NLRP1: variants seen among roughly 807,000 people sequenced by gnomAD.
NLRP1 encodes the protein NACHT, LRR and PYD domains-containing protein 1.
A neutral mutation model predicts 136.7 loss-of-function variants in NLRP1; 94 were observed. The observed-to-expected ratio is 0.69, with a 90% CI of 0.58 to 0.82. The LOEUF is 0.82. Ranked by LOEUF, NLRP1 falls within the 40% of genes least tolerant of loss-of-function variation. The pLI is 0.00. For synonymous variants in NLRP1, 690 were observed against 725.1 expected, an observed-to-expected ratio of 0.95 and a Z score of 0.78; for missense variants, 1,575 against 1,802.7, an observed-to-expected ratio of 0.87 and a Z score of 2.29.
At chr17:5,573,614 G>A (rs1364484014) in intron 3 of NLRP1, among the ~76,000 whole-genome samples, 1 of 152,186 alleles carries the variant, frequency 6.6e-6, no homozygotes, top group Non-Finnish European at 1.5e-5. Flanking sequence ...TCTCTGAGAC[G>A]AAGCTTCCAG....
rs1914532004 is a variant in NLRP1 at position 5,559,895 on chromosome 17, C to T, written c.801G>A (p.Trp267Ter). 6.2e-7 allele frequency: 1 copy of T among 1,614,072 alleles called. No homozygotes were observed. Among genetic ancestry groups the T allele is most frequent in the South Asian group, 1.1e-5 (1 of 91,096 alleles). ...PSVRESLCST[W>*]PWKNEDFNQK... Reference sequence around the variant, plus strand: ...GGTTAAAATCCTCATTTTTCCAGGGCCATGTGGAACAGAGGCTCTCTCTCA... The same window carrying T: ...GGTTAAAATCCTCATTTTTCCAGGGTCATGTGGAACAGAGGCTCTCTCTCA... Residue 267 changes from tryptophan (W) to a stop codon, truncating the protein, a stop_gained, in exon 4 of 17, where the codon TGG (tryptophan) becomes TGA (stop). Coordinates refer to ENST00000572272, the MANE Select transcript of NLRP1 (RefSeq NM_033004.4). LOFTEE classifies it high-confidence loss of function.
chr17:5,580,563 G>A (rs145353299), intron 3 of NLRP1, among the ~76,000 whole-genome samples: 20 of 151,818 alleles, frequency 1.3e-4, no homozygotes, highest in African/African-American at 4.8e-4. Flanking sequence ...TTCCCCTTTT[G>A]CCAGTGTTGC....
In NLRP1 at chr17:5,537,215, T is replaced by G. The variant is rs1401019149; in HGVS notation, c.2871-275A>C. Among the ~76,000 whole-genome samples, 1 of 152,194 alleles carries G rather than the reference T, an allele frequency of 6.6e-6. No individual in the cohort carries two copies. Among genetic ancestry groups the G allele is most frequent in the African/African-American group, 2.4e-5 (1 of 41,446 alleles). ...TCAGCCAACTCTGGGAGATGATCCT[T>G]TAGAGCTGTTTAAAGGAGTTGGGTT... On this transcript the variant is annotated intron_variant, in intron 7 of 16. Transcript: ENST00000572272. This position sits in a 1 kb window ranked among gnomAD's most constrained non-coding sequence, Gnocchi z 4.5.
At chr17:5,552,177 A>C (rs1280374531) in intron 5 of NLRP1, among the ~76,000 whole-genome samples, 1 of 138,582 alleles carries the variant, frequency 7.2e-6, no homozygotes, top group Non-Finnish European at 1.5e-5. Context: ...CATCCAATAC[A>C]TTTTGGCATG....
intron 8 of NLRP1, among the ~76,000 whole-genome samples, chr17:5,536,149 T>G (rs1381047019): frequency 6.6e-6 from 1 of 151,342 alleles, no homozygotes; most frequent in African/African-American, 2.4e-5. Context: ...TTTTTCTTGT[T>G]CTTTTTTTTT....
intron 3 of NLRP1, among the ~76,000 whole-genome samples, chr17:5,576,169 A>G (rs533026135): frequency 6.6e-6 from 1 of 152,368 alleles, no homozygotes; most frequent in African/African-American, 2.4e-5. Context: ...CACAAGAGAA[A>G]GCAGGAAAGA....
chr17:5,551,123 T>C (rs2080562498), intron 5 of NLRP1, among the ~76,000 whole-genome samples: 1 of 152,124 alleles, frequency 6.6e-6, no homozygotes, highest in Non-Finnish European at 1.5e-5. Context: ...TGTAAAATAA[T>C]ATGTATGAAC....
At chr17:5,573,774 A>G (rs1167473527) in intron 3 of NLRP1, among the ~76,000 whole-genome samples, 3 of 152,228 alleles carry the variant, frequency 2.0e-5, no homozygotes, top group African/African-American at 7.2e-5. Context: ...TAGAAGGAAA[A>G]CTAACAAACA....
At chr17:5,564,842 A>G (rs955000051) in intron 3 of NLRP1, among the ~76,000 whole-genome samples, 1 of 145,540 alleles carries the variant, frequency 6.9e-6, no homozygotes, top group Non-Finnish European at 1.5e-5. Context: ...GGTTCACACC[A>G]TTCTGCTGCC....
chr17:5,531,273 T>A (rs1910240991), intron 11 of NLRP1, among the ~76,000 whole-genome samples: 1 of 152,094 alleles, frequency 6.6e-6, no homozygotes, highest in South Asian at 2.1e-4. Flanking sequence ...TGGAGCGCAG[T>A]GGCCCGATCT....
chr17:5,513,139 T>C (rs1437265045), downstream of NLRP1, among the ~76,000 whole-genome samples: 2 of 152,246 alleles, frequency 1.3e-5, no homozygotes, highest in Non-Finnish European at 2.9e-5. Flanking sequence ...CCTTTTTTTC[T>C]TCTGTTCTCA....
At chr17:5,562,011 C>T (rs1027693759) in intron 3 of NLRP1, among the ~76,000 whole-genome samples, 4 of 152,182 alleles carry the variant, frequency 2.6e-5, no homozygotes, top group South Asian at 2.1e-4. Context: ...GAGCTTCCAG[C>T]GCAGTGGTCC....
In NLRP1 at chr17:5,530,484, G is replaced by A. The variant is rs762024829; in HGVS notation, c.3517C>T (p.Gln1173Ter). The A allele has an allele frequency of 1.9e-6, 3 of 1,613,284 alleles. No individual in the cohort carries two copies. The highest frequency in any genetic ancestry group is 2.5e-6 in the Non-Finnish European group (3 of 1,179,486). The change falls in exon 12 of 17, where the codon CAA (glutamine) becomes TAA (stop). Residue 1173 changes from glutamine to a stop codon, truncating the protein, a stop_gained. Transcript: ENST00000572272. LOFTEE classifies it high-confidence loss of function. ...AVHLPHFVALQGGHVDTSLFQ... is the reference protein window; with the variant it reads ...AVHLPHFVAL ...CCTATCCTTCCCTGTTGTTTACCTTGGAGAGCCACAAAGTGAGGGAGGTGC... is the reference window on the plus strand; with the variant it reads ...CCTATCCTTCCCTGTTGTTTACCTTAGAGAGCCACAAAGTGAGGGAGGTGC...
chr17:5,572,895 G>A (rs1043125400), intron 3 of NLRP1, among the ~76,000 whole-genome samples: 23 of 152,304 alleles, frequency 1.5e-4, no homozygotes, highest in African/African-American at 3.4e-4. Flanking sequence ...GGTGAGCAGC[G>A]CAGAAGACAG....
intron 10 of NLRP1, 129 bp from the exon 11 acceptor site, chr17:5,533,113 C>T: frequency 7.0e-7 from 1 of 1,423,444 alleles, no homozygotes; most frequent in Non-Finnish European, 9.4e-7. Flanking sequence ...GTGTCTGCAG[C>T]TTCTGCTCCT....
intron 3 of NLRP1, among the ~76,000 whole-genome samples, chr17:5,576,621 G>A (rs1905041727): frequency 6.6e-6 from 1 of 152,140 alleles, no homozygotes; most frequent in South Asian, 2.1e-4. Context: ...CTCTGAAATT[G>A]AGGCAATAAT....
chr17:5,505,221 A>C (rs1329253906), intron 15 of NLRP1: 1 of 152,358 alleles, frequency 6.6e-6, no homozygotes, highest in Non-Finnish European at 1.5e-5. Flanking sequence ...CACCTGCTGA[A>C]GGTGCTGTGG....
rs112591758 is a variant in NLRP1 at position 5,503,834 on chromosome 17, C to CA, written c.4070-1963dup. The CA allele has an allele frequency of 4.2e-3, 628 of 151,318 alleles. 2 individuals carry two copies. The highest frequency in any genetic ancestry group is 0.012 in the African/African-American group (480 of 41,250). 9.4% of individuals were successfully genotyped at this position (151,318 alleles called of 1,614,324 possible). ...TCCAGGGCCTGGAGCCAGAATCCAC[C>CA]AAAAAAAAACCCTGAATGGACAAAG... On this transcript the variant is annotated intron_variant, in intron 15 of 15. Transcript: ENST00000262467.
At chr17:5,544,030 G>A (rs1246856481) in intron 5 of NLRP1, among the ~76,000 whole-genome samples, 2 of 152,128 alleles carry the variant, frequency 1.3e-5, no homozygotes, top group Non-Finnish European at 2.9e-5. Context: ...TAATAATTTT[G>A]TCTTTAAATT....
Sources: allele counts gnomAD v4.1 joint callset (sites outside exome capture counted in the v4.1 genomes callset), GRCh38; gene constraint gnomAD v4.1.1; non-coding constraint Gnocchi (gnomAD v3.1); transcripts MANE v1.5; gene names NCBI Gene and HGNC (gene_info 2026-07-23, HGNC 2026-07-21).